PSIP1: variants seen among roughly 807,000 people sequenced by gnomAD.
PSIP1 encodes the protein PC4 and SFRS1-interacting protein.
Under a neutral mutation model 74.7 loss-of-function variants are expected in PSIP1, and 19 were observed. The ratio of observed to expected loss-of-function variants is 0.25; its 90% confidence interval spans 0.18 to 0.37. The LOEUF (loss-of-function observed/expected upper bound fraction) is 0.37, where lower values mean the gene tolerates loss of function less well. Among genes scored for constraint, PSIP1 ranks in the 10% least tolerant of loss-of-function variants. The pLI is 1.00. For synonymous variants in PSIP1, 222 were observed against 195.3 expected (o/e 1.14, Z -1.14); for missense variants, 601 against 614.3 (o/e 0.98, Z 0.23).
rs772819616 is a variant in PSIP1 at position 15,468,855 on chromosome 9, A to G, written c.1207-12T>C. On this transcript the variant is annotated splice_polypyrimidine_tract_variant and intron_variant, in intron 13 of 15. Coordinates refer to ENST00000380733, the MANE Select transcript of PSIP1 (RefSeq NM_033222.5). ...TTGAATCGCCGTATCTGAGAAAACA[A>G]TATACATTCATCATAATTGTTTTCC... The G allele has an allele frequency of 2.5e-6, 4 of 1,609,872 alleles. No homozygotes were observed. The African/African-American group carries it at 4.0e-5, about 16-fold the overall frequency.
chr9:15,487,655 T>C (rs1388596085), intron 4 of PSIP1, among the ~76,000 whole-genome samples: 1 of 152,130 alleles, frequency 6.6e-6, no homozygotes, highest in Non-Finnish European at 1.5e-5. Context: ...CAGATAACAA[T>C]CAATTCTGTC....
chr9:15,469,410 A>G (rs2035748874), intron 11 of PSIP1, 74 bp from the exon 12 acceptor site: 1 of 896,414 alleles, frequency 1.1e-6, no homozygotes, highest in Non-Finnish European at 1.7e-6. Context: ...GGCTAAGTAT[A>G]ATGAATTAGT....
At chr9:15,500,486 T>C (rs1017243706) in intron 3 of PSIP1, among the ~76,000 whole-genome samples, 2 of 151,328 alleles carry the variant, frequency 1.3e-5, no homozygotes, top group African/African-American at 4.9e-5. Flanking sequence ...AAAAAAGAGA[T>C]GAATAAACAG....
At chr9:15,497,801 T>A (rs183770980) in intron 3 of PSIP1, among the ~76,000 whole-genome samples, 3 of 152,258 alleles carry the variant, frequency 2.0e-5, no homozygotes, top group Admixed American at 1.3e-4. Context: ...GACAATAACA[T>A]ATCCTATCAA....
intron 3 of PSIP1, among the ~76,000 whole-genome samples, chr9:15,495,377 TTAA>T (rs1403919793): frequency 1.3e-5 from 2 of 152,196 alleles, no homozygotes; most frequent in Admixed American, 1.3e-4. Context: ...CAAGGCAATC[TTAA>T]TAATCAATGG....
At chr9:15,504,025 G>A (rs184490111) in intron 3 of PSIP1, among the ~76,000 whole-genome samples, 2 of 152,168 alleles carry the variant, frequency 1.3e-5, no homozygotes, top group African/African-American at 2.4e-5. Flanking sequence ...GATTACACGC[G>A]TAAGCCACCG....
chr9:15,471,526 C>T (rs1184940283), intron 10 of PSIP1: 2 of 975,976 alleles, frequency 2.0e-6, no homozygotes, highest in African/African-American at 3.5e-5. Context: ...ACAAACAGTC[C>T]AACAGCTTTT....
intron 3 of PSIP1, among the ~76,000 whole-genome samples, chr9:15,497,605 G>A (rs974673519): frequency 1.1e-4 from 17 of 152,092 alleles, no homozygotes; most frequent in Admixed American, 6.5e-4. Flanking sequence ...GATTACAGGC[G>A]TGAGCCACCG....
At chr9:15,478,609 T>C (rs934544377) in intron 7 of PSIP1, 57 bp from the exon 8 acceptor site, 2 of 1,147,412 alleles carry the variant, frequency 1.7e-6, no homozygotes, top group Non-Finnish European at 2.6e-6. Flanking sequence ...AAGATACAAA[T>C]CTCAGATATA....
intron 4 of PSIP1, among the ~76,000 whole-genome samples, chr9:15,487,452 A>C (rs2036603732): frequency 6.6e-6 from 1 of 151,770 alleles, no homozygotes; most frequent in Non-Finnish European, 1.5e-5. Flanking sequence ...AAAATTAGCC[A>C]GGCATGGTGG....
chr9:15,500,943 G>A (rs577808649), intron 3 of PSIP1, among the ~76,000 whole-genome samples: 5 of 152,234 alleles, frequency 3.3e-5, no homozygotes, highest in Non-Finnish European at 5.9e-5. Context: ...GGAAAAATGG[G>A]TAAATCCCCA....
intron 6 of PSIP1, among the ~76,000 whole-genome samples, chr9:15,485,077 A>T (rs2036502515): frequency 6.6e-6 from 1 of 152,106 alleles, no homozygotes; most frequent in South Asian, 2.1e-4. Flanking sequence ...ACAGCATGAG[A>T]CCCCATCTCT....
chr9:15,502,605 G>A (rs971374226), intron 3 of PSIP1, among the ~76,000 whole-genome samples: 43 of 152,264 alleles, frequency 2.8e-4, no homozygotes, highest in African/African-American at 9.6e-4. Flanking sequence ...AATTACGCAT[G>A]GACTTGAATT....
chr9:15,488,820 G>C (rs574120681), intron 4 of PSIP1, among the ~76,000 whole-genome samples: 29 of 152,154 alleles, frequency 1.9e-4, no homozygotes, highest in Non-Finnish European at 2.8e-4. Context: ...AGGAGATCGA[G>C]ACCATCCTGG....
intron 2 of PSIP1, among the ~76,000 whole-genome samples, chr9:15,507,188 A>C (rs1345447697): frequency 6.6e-6 from 1 of 152,234 alleles, no homozygotes. Context: ...CCTGAATCAC[A>C]TGAGGCTACC....
chr9:15,495,726 A>AT (rs2037043816), intron 3 of PSIP1, among the ~76,000 whole-genome samples: 1 of 152,192 alleles, frequency 6.6e-6, no homozygotes, highest in Non-Finnish European at 1.5e-5. Flanking sequence ...AATGATGTGA[A>AT]ATATCCTCAA....
At chr9:15,476,491 C>T (rs2036085055) in intron 8 of PSIP1, among the ~76,000 whole-genome samples, 1 of 152,034 alleles carries the variant, frequency 6.6e-6, no homozygotes. Flanking sequence ...AAGATGTGTT[C>T]AAAAAAGATT....
chr9:15,464,325 T>C lies in PSIP1; in HGVS notation c.*1195A>G, dbSNP rs2132018612. The C allele has an allele frequency of 5.2e-6, 1 of 193,514 alleles. No homozygotes were observed. 12.0% of individuals were successfully genotyped at this position (193,514 alleles called of 1,614,324 possible). ...CAGAGACGCTGGTCTTAAGCCATTT[T>C]TTTCCATATTCATATAATTTCAAAA... On this transcript the variant is annotated 3_prime_UTR_variant, in exon 16 of 16. Transcript: ENST00000380733.
intron 10 of PSIP1, chr9:15,471,625 A>G (rs1385765417): frequency 7.4e-6 from 7 of 952,284 alleles, no homozygotes; most frequent in African/African-American, 1.8e-5. Context: ...TAGAGGGAAT[A>G]ATATTTTTGA....
Sources: allele counts gnomAD v4.1 joint callset (sites outside exome capture counted in the v4.1 genomes callset), GRCh38; gene constraint gnomAD v4.1.1; transcripts MANE v1.5; gene names NCBI Gene and HGNC (gene_info 2026-07-23, HGNC 2026-07-21).